The following F5 variants were observed in gnomAD, a reference collection of about 807,000 sequenced individuals.
The protein encoded by F5 is activated protein c cofactor.
In F5, 138 loss-of-function variants were observed where a neutral mutation model predicts 216.4. That is an observed-to-expected ratio of 0.64 (90% CI 0.56 to 0.73). The LOEUF is 0.73. Ranked by LOEUF, F5 falls within the 30% of genes least tolerant of loss-of-function variation. The pLI, the probability that F5 is intolerant of heterozygous loss-of-function variation, is 0.00. For missense variants in F5, 2,403 were observed against 2,674.0 expected (o/e 0.90, Z 2.24); for synonymous variants, 916 against 930.7 (o/e 0.98, Z 0.29).
At chr1:169,539,849 A>G (rs1388329492) in intron 13 of F5, among the ~76,000 whole-genome samples, 2 of 152,206 alleles carry the variant, frequency 1.3e-5, no homozygotes, top group African/African-American at 4.8e-5. Flanking sequence ...TATTCTTTTA[A>G]AAAAGGGATT....
chr1:169,552,697 G>T lies in F5; in HGVS notation c.1156C>A (p.Gln386Lys). 6.2e-7 allele frequency: 1 copy of T among 1,612,134 alleles called. No individual in the cohort carries two copies. The highest frequency in any genetic ancestry group is 8.5e-7 in the Non-Finnish European group (1 of 1,179,414). ...RSQHLDNFSN[Q>K]IGKHYKKVMY... is the part of the protein sequence containing the mutation. ...ACTTTCTTATAATGTTTTCCAATTT[G>T]GTTTGAGAAATTATCCAAATGCTGA... Residue 386 changes from glutamine (Q) to lysine (K), a missense_variant, in exon 8 of 25, where the codon CAA becomes AAA. By Grantham distance (53) the Gln-to-Lys change is moderately conservative (BLOSUM62 1). Transcript: ENST00000367797.
intron 7 of F5, 119 bp downstream of exon 7, chr1:169,555,063 T>C (rs999486045): frequency 2.7e-5 from 31 of 1,133,112 alleles, no homozygotes; most frequent in Non-Finnish European, 4.0e-5. Context: ...AAGACTTGAA[T>C]AGAAACCAAT....
At chr1:169,515,113 T>C (rs1487271670) in intron 24 of F5, among the ~76,000 whole-genome samples, 1 of 152,160 alleles carries the variant, frequency 6.6e-6, no homozygotes, top group East Asian at 1.9e-4. Flanking sequence ...TGTTGGCATG[T>C]ACCTTATATC....
chr1:169,578,581 A>T (rs16862380), intron 2 of F5, among the ~76,000 whole-genome samples: 16,253 of 152,060 alleles, frequency 0.11, 1,165 homozygotes, highest in African/African-American at 0.19. Flanking sequence ...ACCGGCCCCA[A>T]TCCTCTTTTC....
At chr1:169,561,049 A>T (rs1195539754) in intron 3 of F5, among the ~76,000 whole-genome samples, 1 of 152,198 alleles carries the variant, frequency 6.6e-6, no homozygotes, top group Non-Finnish European at 1.5e-5. Context: ...ATTTAAATAT[A>T]ATCAGAGAAT....
chr1:169,549,968 T>C lies in F5; in HGVS notation c.1444A>G (p.Thr482Ala), dbSNP rs1281700118. The change falls in exon 10 of 25, where the codon ACT becomes GCT. Residue 482 changes from threonine to alanine, a missense_variant. Coordinates refer to ENST00000367797, the MANE Select transcript of F5 (RefSeq NM_000130.5). ...IRAVQPGETY[T>A]YKWNILEFDE... Reference sequence around the variant, plus strand: ...AACTCTAAGATGTTCCACTTATAAGTATAGGTTTCCCCTGGTTGAACTGCT... The same window carrying C: ...AACTCTAAGATGTTCCACTTATAAGCATAGGTTTCCCCTGGTTGAACTGCT... 1 of 1,614,146 alleles carries C rather than the reference T, an allele frequency of 6.2e-7. No homozygotes were observed. Among genetic ancestry groups the C allele is most frequent in the South Asian group, 1.1e-5 (1 of 91,068 alleles).
chr1:169,557,925 C>T (rs1256630229), intron 5 of F5, among the ~76,000 whole-genome samples: 1 of 152,120 alleles, frequency 6.6e-6, no homozygotes, highest in Non-Finnish European at 1.5e-5. Flanking sequence ...AGGGTTTTTA[C>T]AAATGTTTAC....
intron 13 of F5, among the ~76,000 whole-genome samples, chr1:169,538,582 A>G (rs931007554): frequency 6.6e-6 from 1 of 152,206 alleles, no homozygotes; most frequent in Non-Finnish European, 1.5e-5. Context: ...AAATGTGTAT[A>G]AAACAACAAC....
In F5 at chr1:169,536,781, G is replaced by T; in HGVS notation, c.4797-101C>A. 3 of 897,310 alleles carry T rather than the reference G, an allele frequency of 3.3e-6. 1 individual carries two copies. The South Asian group carries it at 4.4e-5, about 13-fold the overall frequency. The allele number at this position is 897,310 out of a possible 1,614,324, so 55.6% of individuals were successfully genotyped here. ...AAATATAGCATCTAGCATAGAGAAG[G>T]TCTTTAATAAATACTTGGTGGATAA... is the stretch of plus-strand genomic sequence containing the variant. On this transcript the variant is annotated intron_variant, in intron 13 of 24. Coordinates refer to ENST00000367797, the MANE Select transcript of F5 (RefSeq NM_000130.5).
intron 3 of F5, among the ~76,000 whole-genome samples, chr1:169,562,017 T>C (rs770593114): frequency 9.2e-5 from 14 of 151,984 alleles, no homozygotes; most frequent in Non-Finnish European, 1.9e-4. Flanking sequence ...TTCCCTCTCT[T>C]TCTTCCTTTC....
intron 7 of F5, among the ~76,000 whole-genome samples, chr1:169,554,452 A>G (rs1030124781): frequency 2.0e-5 from 3 of 152,162 alleles, no homozygotes; most frequent in African/African-American, 7.2e-5. Flanking sequence ...CTAGTTTTCT[A>G]CTGATGGACA....
intron 18 of F5, among the ~76,000 whole-genome samples, 159 bp downstream of exon 18, chr1:169,525,742 A>C (rs975806078): frequency 1.3e-5 from 2 of 152,210 alleles, no homozygotes; most frequent in Admixed American, 1.3e-4. Flanking sequence ...TTTTCAATGC[A>C]ATCAGACCAT....
At position 169,559,134 on chromosome 1, in the gene F5, T is replaced by C. The variant is rs1381118924; in HGVS notation, c.730+19A>G. On this transcript the variant is annotated intron_variant, in intron 5 of 24. Transcript: ENST00000367797. The stretch of plus-strand genomic sequence containing the variant: ...TAATGATTTTACTGTTGTTTAATGG[T>C]ACACAGCCCTCGTGTTACCTGGCAT... 6.2e-7 allele frequency: 1 copy of C among 1,613,402 alleles called. No homozygotes were observed. The highest frequency in any genetic ancestry group is 8.5e-7 in the Non-Finnish European group (1 of 1,179,636).
At chr1:169,581,596 G>A (rs1422023196) in intron 2 of F5, among the ~76,000 whole-genome samples, 1 of 152,142 alleles carries the variant, frequency 6.6e-6, no homozygotes, top group African/African-American at 2.4e-5. Flanking sequence ...AGACTAGGAT[G>A]ATTCTGGGAA....
At position 169,529,649 on chromosome 1, in the gene F5, C is replaced by T; in HGVS notation, c.5378G>A (p.Arg1793Lys). 6.2e-7 allele frequency: 1 copy of T among 1,613,824 alleles called. No individual in the cohort carries two copies. The highest frequency in any genetic ancestry group is 8.5e-7 in the Non-Finnish European group (1 of 1,179,814). ...YYEKKSRSSW[R>K]LTSSEMKKSH... ...TTTTTTCATTTCTGAGGATGTGAGT[C>T]TCCAAGAACTTCGGGACTTCTTTTC... The change falls in exon 16 of 25, where the codon AGA (arginine) becomes AAA (lysine). Residue 1793 changes from arginine to lysine, a missense_variant. By Grantham distance (26) the Arg-to-Lys change is conservative (BLOSUM62 2). Around this residue, in one of 4 missense-constraint regions of F5, gnomAD observed 659 missense variants for 787.9 expected, o/e 0.84. Transcript: ENST00000367797.
In F5 at chr1:169,586,340, G is replaced by A. The variant is rs1271328618; in HGVS notation, c.47C>T (p.Thr16Ile). 5.0e-6 allele frequency: 8 copies of A among 1,613,980 alleles called. No individual in the cohort carries two copies. Among genetic ancestry groups the A allele is most frequent in the Non-Finnish European group, 6.8e-6 (8 of 1,179,986 alleles). Reference protein sequence around the residue: ...PRLWVLVVLGTSWVGWGSQGT... With the variant: ...PRLWVLVVLGISWVGWGSQGT... ...TTGGCTCCCCCAGCCTACCCAGCTGGTGCCCAAGACCACCAGGACCCAGAG... is the reference window on the plus strand; with the variant it reads ...TTGGCTCCCCCAGCCTACCCAGCTGATGCCCAAGACCACCAGGACCCAGAG... Residue 16 changes from threonine (T) to isoleucine (I), a missense_variant, in exon 1 of 25, where the codon ACC (threonine) becomes ATC (isoleucine). Around this residue, in one of 4 missense-constraint regions of F5, gnomAD observed 1,425 missense variants for 1,554.8 expected, o/e 0.92. Coordinates refer to ENST00000367797, the MANE Select transcript of F5 (RefSeq NM_000130.5).
intron 4 of F5, 66 bp downstream of exon 4, chr1:169,560,487 TC>T (rs1660448740): frequency 6.7e-7 from 1 of 1,498,724 alleles, no homozygotes; most frequent in African/African-American, 1.4e-5. Flanking sequence ...CCAAGCTTTG[TC>T]CCATGACAGA....
chr1:169,518,681 C>G, intron 22 of F5, 118 bp from the exon 23 acceptor site: 5 of 1,126,416 alleles, frequency 4.4e-6, no homozygotes, highest in Non-Finnish European at 5.2e-6. Context: ...ACAATAACCA[C>G]AACAATGAAG....
intron 3 of F5, among the ~76,000 whole-genome samples, chr1:169,564,340 C>G (rs926366375): frequency 6.6e-6 from 1 of 152,074 alleles, no homozygotes; most frequent in Non-Finnish European, 1.5e-5. Context: ...CTGCAGGACT[C>G]TGCCCTAAAA....
Sources: gnomAD v4.1 joint callset for allele counts (sites outside exome capture counted in the v4.1 genomes callset) on GRCh38, gnomAD v4.1.1 for gene constraint, gnomAD v4.1.1 regional missense constraint, MANE v1.5 for transcripts, NCBI Gene and HGNC (gene_info 2026-07-23, HGNC 2026-07-21) for gene names.